The following FARSB variants were observed in gnomAD, a reference collection of about 807,000 sequenced individuals.
FARSB encodes the protein phenylalanyl-tRNA synthetase subunit beta.
Under a neutral mutation model 69.6 loss-of-function variants are expected in FARSB, and 40 were observed. The observed-to-expected ratio is 0.57, with a 90% confidence interval of 0.45 to 0.75. The LOEUF (loss-of-function observed/expected upper bound fraction) is 0.75, where lower values mean the gene tolerates loss of function less well. Among genes scored for constraint, FARSB ranks in the 30% least tolerant of loss-of-function variants. The pLI, the probability that FARSB is intolerant of heterozygous loss-of-function variation, is 0.00. For synonymous variants in FARSB, 235 were observed against 247.2 expected, an observed-to-expected ratio of 0.95 and a Z score of 0.46; for missense variants, 632 against 722.9, an observed-to-expected ratio of 0.87 and a Z score of 1.44.
rs34617984 is a variant in FARSB, at chr2:222,598,941, T to TA, written c.1618+986dup. ...CTGCTTATTTAATCTCTCATTTATT[T>TA]AAAAAAAAAAAAAGAACCACACACA... is the stretch of plus-strand genomic sequence containing the variant. On this transcript the variant is annotated intron_variant, in intron 16 of 16. Coordinates refer to ENST00000281828, the MANE Select transcript of FARSB (RefSeq NM_005687.5). 2.5e-3 allele frequency among the ~76,000 whole-genome samples: 362 copies of TA among 145,636 alleles called. 1 individual carries two copies. Among genetic ancestry groups the TA allele is most frequent in the African/African-American group, 7.1e-3 (282 of 39,744 alleles).
At chr2:222,619,539 G>T in intron 14 of FARSB, 106 bp downstream of exon 14, 1 of 638,302 alleles carries the variant, frequency 1.6e-6, no homozygotes, top group Non-Finnish European at 2.9e-6. Flanking sequence ...TTATTAAAAA[G>T]CTCTAAGATT....
At chr2:222,616,018 A>G (rs1417132949) in intron 14 of FARSB, among the ~76,000 whole-genome samples, 2 of 152,182 alleles carry the variant, frequency 1.3e-5, no homozygotes, top group African/African-American at 4.8e-5. Flanking sequence ...ATATTTAAAA[A>G]CCTACAGAAA....
intron 16 of FARSB, among the ~76,000 whole-genome samples, chr2:222,584,661 C>T (rs1287171558): frequency 6.6e-6 from 1 of 152,188 alleles, no homozygotes; most frequent in Non-Finnish European, 1.5e-5. Context: ...CCTTTTCCAA[C>T]AGTCTTAGCA....
At chr2:222,574,297 A>C (rs571220514) in intron 16 of FARSB, among the ~76,000 whole-genome samples, 1 of 152,358 alleles carries the variant, frequency 6.6e-6, no homozygotes, top group Non-Finnish European at 1.5e-5. Context: ...TGTGTCACTA[A>C]GTATAATTTT....
intron 15 of FARSB, among the ~76,000 whole-genome samples, chr2:222,604,722 A>ATTTTTTTTTT (rs56201038): frequency 1.8e-3 from 198 of 110,618 alleles, no homozygotes; most frequent in East Asian, 2.6e-3. Context: ...TGCCCACTGA[A>ATTTTTTTTTT]TTTTTTTTTT....
intron 15 of FARSB, among the ~76,000 whole-genome samples, chr2:222,611,834 G>A (rs1690861413): frequency 6.6e-6 from 1 of 152,150 alleles, no homozygotes; most frequent in South Asian, 2.1e-4. Flanking sequence ...AACAGCCCCA[G>A]CTTCCTCACC....
At chr2:222,584,093 T>A (rs910182659) in intron 16 of FARSB, among the ~76,000 whole-genome samples, 1 of 152,186 alleles carries the variant, frequency 6.6e-6, no homozygotes, top group African/African-American at 2.4e-5. Context: ...TAAACTTCAA[T>A]GTTCATCTGA....
chr2:222,625,574 A>C (rs1010800058), intron 10 of FARSB, among the ~76,000 whole-genome samples: 1 of 152,194 alleles, frequency 6.6e-6, no homozygotes, highest in African/African-American at 2.4e-5. Flanking sequence ...TGGCAGTGAC[A>C]CCAGAGCTAC....
At chr2:222,653,168 A>G (rs1236729700) in intron 1 of FARSB, among the ~76,000 whole-genome samples, 1 of 152,240 alleles carries the variant, frequency 6.6e-6, no homozygotes, top group East Asian at 1.9e-4. Flanking sequence ...CCATCTGCAC[A>G]GAAAGTCCGT....
At position 222,630,120 on chromosome 2, in the gene FARSB, G is replaced by A; in HGVS notation, c.841C>T (p.Gln281Ter). ...VTMFSEYCEN[Q>*]FTVEAAEVVF... ...GGTGCTGGATGAACTTACGTAAATT[G>A]ATTCTCACAATATTCACTGAACATG... The change falls in exon 9 of 17, where the codon CAA becomes TAA. Residue 281 changes from glutamine (Q) to a stop codon, truncating the protein, a stop_gained. Coordinates refer to ENST00000281828, the MANE Select transcript of FARSB (RefSeq NM_005687.5). LOFTEE classifies it high-confidence loss of function. 5.8e-6 allele frequency: 9 copies of A among 1,552,672 alleles called. No homozygotes were observed. The highest frequency in any genetic ancestry group is 7.8e-6 in the Non-Finnish European group (9 of 1,147,302).
chr2:222,635,923 T>G (rs1691567905), intron 5 of FARSB, among the ~76,000 whole-genome samples: 1 of 148,558 alleles, frequency 6.7e-6, no homozygotes, highest in Non-Finnish European at 1.5e-5. Context: ...CCACAAAAAA[T>G]GTAAAAATTA....
chr2:222,602,219 G>C (rs928998806), intron 15 of FARSB, among the ~76,000 whole-genome samples: 1 of 152,060 alleles, frequency 6.6e-6, no homozygotes, highest in African/African-American at 2.4e-5. Context: ...TAGTTGTCTG[G>C]GATTAGGTAT....
intron 16 of FARSB, among the ~76,000 whole-genome samples, chr2:222,585,228 A>G (rs932186172): frequency 1.3e-5 from 2 of 152,212 alleles, no homozygotes; most frequent in African/African-American, 4.8e-5. Context: ...CCAGGCAAAC[A>G]GGGTCTGGAG....
Position 222,630,178 on chromosome 2 carries a change from CAAAGA to C in FARSB, c.787-9_787-5del, listed in dbSNP as rs749000123. ...TAATATCAAGAACTATTTTTGCCTGCAAAGAAAAGAAAAACAAATATAGTAATCTA... is the reference window on the plus strand; with the variant it reads ...TAATATCAAGAACTATTTTTGCCTGCAAAGAAAAACAAATATAGTAATCTA... On this transcript the variant is annotated splice_polypyrimidine_tract_variant and splice_region_variant and intron_variant, in intron 8 of 16. Coordinates refer to ENST00000281828, the MANE Select transcript of FARSB (RefSeq NM_005687.5). 8 of 1,470,098 alleles carry C rather than the reference CAAAGA, an allele frequency of 5.4e-6. No homozygotes were observed. Among genetic ancestry groups the C allele is most frequent in the South Asian group, 3.9e-5 (3 of 77,436 alleles). The allele number at this position is 1,470,098 out of a possible 1,614,324, so 91.1% of individuals were successfully genotyped here. A position where few individuals can be genotyped will look rare whatever the true frequency, so the allele number is the denominator to read the frequency against.
chr2:222,579,113 G>T (rs1689906618), intron 16 of FARSB, among the ~76,000 whole-genome samples: 1 of 152,240 alleles, frequency 6.6e-6, no homozygotes, highest in South Asian at 2.1e-4. Context: ...ATGGGAAAAA[G>T]TGAAGCACAA....
At chr2:222,644,450 GAA>G in intron 2 of FARSB, 1 of 437,624 alleles carries the variant, frequency 2.3e-6, no homozygotes, top group South Asian at 1.6e-5. Context: ...GGCAAAAAGA[GAA>G]GAGGAAGAAT....
chr2:222,605,156 A>C (rs1690667164), intron 15 of FARSB, among the ~76,000 whole-genome samples: 1 of 48,944 alleles, frequency 2.0e-5, no homozygotes, highest in Non-Finnish European at 4.5e-5. Context: ...GTAGGAATAC[A>C]AACTTTCTCT....
At position 222,618,969 on chromosome 2, in the gene FARSB, C is replaced by T. The variant is rs183978751; in HGVS notation, c.1344+676G>A. Among the ~76,000 whole-genome samples the T allele has an allele frequency of 7.9e-3, 1,200 of 152,006 alleles. 14 individuals are homozygous for T. Among genetic ancestry groups the T allele is most frequent in the African/African-American group, 0.028 (1,154 of 41,410 alleles). ...CAGCCTCGCCAACATGGTGAAACCC[C>T]GTCTCTACTAAAAATACAAAAAATT... On this transcript the variant is annotated intron_variant, in intron 14 of 16. Transcript: ENST00000281828.
intron 13 of FARSB, among the ~76,000 whole-genome samples, chr2:222,620,341 A>G (rs1338282359): frequency 2.0e-5 from 3 of 152,236 alleles, no homozygotes; most frequent in Non-Finnish European, 4.4e-5. Context: ...GTGGCAGAAC[A>G]GTAGGACTGA....
Sources: gnomAD v4.1 joint callset for allele counts (sites outside exome capture counted in the v4.1 genomes callset) on GRCh38, gnomAD v4.1.1 for gene constraint, MANE v1.5 for transcripts, NCBI Gene and HGNC (gene_info 2026-07-23, HGNC 2026-07-21) for gene names.